The following SH3GL2 variants were observed in gnomAD, a reference collection of about 807,000 sequenced individuals.
SH3GL2 encodes the protein endophilin-A1.
In SH3GL2, 24 loss-of-function variants were observed where a neutral mutation model predicts 46.0. That is an observed-to-expected ratio of 0.52 (90% confidence interval 0.38 to 0.73). The LOEUF is 0.73. Among genes scored for constraint, SH3GL2 ranks in the 30% least tolerant of loss-of-function variants. The pLI is 0.00. For synonymous variants in SH3GL2, 196 were observed against 147.1 expected (o/e 1.33, Z -2.40); for missense variants, 413 against 424.2 (o/e 0.97, Z 0.23).
At chr9:17,706,743 T>C (rs1821481892) in intron 1 of SH3GL2, among the ~76,000 whole-genome samples, 1 of 152,060 alleles carries the variant, frequency 6.6e-6, no homozygotes, top group African/African-American at 2.4e-5. Context: ...CTTAGAGTTT[T>C]GGATCTTCCT....
chr9:17,608,323 C>G, intron 1 of SH3GL2, among the ~76,000 whole-genome samples: 1 of 151,914 alleles, frequency 6.6e-6, no homozygotes, highest in Non-Finnish European at 1.5e-5. Context: ...AAATTTTGTA[C>G]TTTTAGTAGA....
chr9:17,737,829 C>T (rs1822387503), intron 1 of SH3GL2, among the ~76,000 whole-genome samples: 1 of 152,090 alleles, frequency 6.6e-6, no homozygotes, highest in Non-Finnish European at 1.5e-5. Flanking sequence ...AACACACTCT[C>T]CTGTGCATAT....
At chr9:17,718,342 A>G (rs762165834) in intron 1 of SH3GL2, among the ~76,000 whole-genome samples, 1 of 152,168 alleles carries the variant, frequency 6.6e-6, no homozygotes, top group Non-Finnish European at 1.5e-5. Context: ...GAACTGCTGT[A>G]TACTGGTGTG....
At chr9:17,579,440 C>T (rs533107683) in intron 1 of SH3GL2, among the ~76,000 whole-genome samples, 153 bp downstream of exon 1, 1 of 151,788 alleles carries the variant, frequency 6.6e-6, no homozygotes, top group South Asian at 2.1e-4. Flanking sequence ...GGCGGCGGCT[C>T]GGGGCATCCC....
chr9:17,781,306 T>G (rs1823800581), intron 3 of SH3GL2, among the ~76,000 whole-genome samples: 1 of 111,614 alleles, frequency 9.0e-6, no homozygotes, highest in East Asian at 2.6e-4. Context: ...TTCATGTCCT[T>G]CGCCCACTTT....
chr9:17,783,844 C>G (rs1418346520), intron 3 of SH3GL2, among the ~76,000 whole-genome samples: 1 of 152,104 alleles, frequency 6.6e-6, no homozygotes, highest in African/African-American at 2.4e-5. Context: ...ACACAGATCT[C>G]TAAGGGCACA....
chr9:17,644,591 A>G (rs1045935712), intron 1 of SH3GL2, among the ~76,000 whole-genome samples: 16 of 152,182 alleles, frequency 1.1e-4, no homozygotes, highest in Admixed American at 3.3e-4. Flanking sequence ...CCTTGTAGTC[A>G]TTCAGGAGCA....
intron 1 of SH3GL2, among the ~76,000 whole-genome samples, chr9:17,696,018 G>A (rs1277906969): frequency 6.6e-6 from 1 of 152,062 alleles, no homozygotes; most frequent in African/African-American, 2.4e-5. Context: ...CTGTGTTGTT[G>A]TCTGAGTTGT....
chr9:17,730,337 A>T (rs1822141085), intron 1 of SH3GL2, among the ~76,000 whole-genome samples: 1 of 152,160 alleles, frequency 6.6e-6, no homozygotes, highest in South Asian at 2.1e-4. Context: ...GAAGTTGCTT[A>T]TCAGCTTAAG....
intron 3 of SH3GL2, among the ~76,000 whole-genome samples, chr9:17,768,966 G>A (rs10963263): frequency 0.15 from 23,383 of 152,116 alleles, 2,293 homozygotes; most frequent in Middle Eastern, 0.26. Context: ...TCTCCATCTC[G>A]CTCCTTCTGA....
chr9:17,633,383 G>A (rs1720694505), intron 1 of SH3GL2, among the ~76,000 whole-genome samples: 1 of 152,150 alleles, frequency 6.6e-6, no homozygotes, highest in Non-Finnish European at 1.5e-5. Flanking sequence ...ACGTTAAAAA[G>A]TCATCCATGT....
chr9:17,676,525 G>A (rs1000055696), intron 1 of SH3GL2, among the ~76,000 whole-genome samples: 1 of 152,130 alleles, frequency 6.6e-6, no homozygotes, highest in Non-Finnish European at 1.5e-5. Context: ...AGAATCACTT[G>A]AACCCAGGAG....
chr9:17,692,049 C>A (rs1169290175), intron 1 of SH3GL2, among the ~76,000 whole-genome samples: 1 of 152,018 alleles, frequency 6.6e-6, no homozygotes, highest in East Asian at 1.9e-4. Flanking sequence ...CCTGTGTGCA[C>A]ATTTATTAAA....
In SH3GL2 at chr9:17,712,081, T is replaced by G. The variant is rs1821640705; in HGVS notation, c.46-34985T>G. The stretch of plus-strand genomic sequence containing the variant: ...AATGACCAATGATGTTGAGCGTCTT[T>G]TTATGTGCTTTTTTTGCTATTCCTA... On this transcript the variant is annotated intron_variant, in intron 1 of 8. Coordinates refer to ENST00000380607, the MANE Select transcript of SH3GL2 (RefSeq NM_003026.5). Among the ~76,000 whole-genome samples, 2 of 151,842 alleles carry G rather than the reference T, an allele frequency of 1.3e-5. 1 individual carries two copies.
At chr9:17,769,989 A>G (rs893594650) in intron 3 of SH3GL2, among the ~76,000 whole-genome samples, 5 of 152,198 alleles carry the variant, frequency 3.3e-5, no homozygotes, top group Admixed American at 1.3e-4. Flanking sequence ...CTAGCGATTG[A>G]TTAATTTGCT....
intron 1 of SH3GL2, among the ~76,000 whole-genome samples, chr9:17,670,649 T>C (rs1820452362): frequency 6.6e-6 from 1 of 152,238 alleles, no homozygotes; most frequent in Admixed American, 6.5e-5. Context: ...ACTTTAGCTC[T>C]TGACTATCTT....
chr9:17,597,880 C>G (rs1818603301), intron 1 of SH3GL2, among the ~76,000 whole-genome samples: 1 of 152,208 alleles, frequency 6.6e-6, no homozygotes, highest in Non-Finnish European at 1.5e-5. Context: ...GGTCCTCCAT[C>G]TTTCTTAACA....
intron 1 of SH3GL2, among the ~76,000 whole-genome samples, chr9:17,716,999 C>G (rs915645192): frequency 2.0e-5 from 3 of 152,132 alleles, no homozygotes; most frequent in African/African-American, 2.4e-5. Context: ...TAGTCCCTCT[C>G]ACTCCATTTT....
chr9:17,702,289 T>C (rs1174035021), intron 1 of SH3GL2, among the ~76,000 whole-genome samples: 1 of 152,098 alleles, frequency 6.6e-6, no homozygotes, highest in Non-Finnish European at 1.5e-5. Flanking sequence ...TGTTAATGAA[T>C]GAAATCATAA....
Sources: allele counts gnomAD v4.1 joint callset (sites outside exome capture counted in the v4.1 genomes callset), GRCh38; gene constraint gnomAD v4.1.1; transcripts MANE v1.5; gene names NCBI Gene and HGNC (gene_info 2026-07-23, HGNC 2026-07-21).